Variants in DEGS2 observed in about 807,000 individuals in gnomAD.
The protein encoded by DEGS2 is sphingolipid delta(4)-desaturase/C4-monooxygenase DES2.
DEGS2 carries 19 observed loss-of-function variants against 23.8 expected under a neutral mutation model. The ratio of observed to expected loss-of-function variants is 0.80; its 90% CI spans 0.56 to 1.17. The LOEUF (loss-of-function observed/expected upper bound fraction) is 1.17, where lower values mean the gene tolerates loss of function less well. Ranked by LOEUF, DEGS2 falls within the 50% of genes most tolerant of loss-of-function variation. The pLI, the probability that DEGS2 is intolerant of heterozygous loss-of-function variation, is 0.00. For synonymous variants in DEGS2, 218 were observed against 213.7 expected (o/e 1.02, Z -0.18); for missense variants, 390 against 459.5 (o/e 0.85, Z 1.38).
In DEGS2 at chr14:100,159,505, C is replaced by T. The variant is rs1296169128; in HGVS notation, c.82+1G>A. 7.4e-6 allele frequency: 11 copies of T among 1,494,386 alleles called. No individual in the cohort carries two copies. The highest frequency in any genetic ancestry group is 1.5e-5 in the African/African-American group (1 of 68,926). 92.6% of individuals were successfully genotyped at this position (1,494,386 alleles called of 1,614,324 possible). On this transcript the variant is annotated splice_donor_variant, in intron 1 of 2. Coordinates refer to ENST00000305631, the MANE Select transcript of DEGS2 (RefSeq NM_206918.3). LOFTEE classifies it high-confidence loss of function. ...CGGGGTGGGCCCCGCGCGGCGCTCA[C>T]CCAGTATCTCCTTGCGCCGCTGCGT...
chr14:100,154,191 C>A (rs999350317), intron 1 of DEGS2, among the ~76,000 whole-genome samples: 2 of 152,074 alleles, frequency 1.3e-5, no homozygotes, highest in Non-Finnish European at 2.9e-5. Flanking sequence ...ATGGTGAAAC[C>A]CCGTCTCTAC....
intron 1 of DEGS2, among the ~76,000 whole-genome samples, chr14:100,154,220 C>G (rs1260850012): frequency 2.0e-5 from 3 of 152,206 alleles, no homozygotes; most frequent in Non-Finnish European, 2.9e-5. Context: ...CAAAAATCAG[C>G]TGGACAAGGT....
At chr14:100,164,104 C>G (rs1317006605), upstream of DEGS2, among the ~76,000 whole-genome samples, 2 of 151,894 alleles carry the variant, frequency 1.3e-5, no homozygotes, top group African/African-American at 4.8e-5. Context: ...TGGTCCCAGG[C>G]GCGATGTAGG....
chr14:100,148,865 G>A, intron 2 of DEGS2, 103 bp downstream of exon 2: 2 of 1,349,334 alleles, frequency 1.5e-6, no homozygotes, highest in Non-Finnish European at 2.0e-6. Context: ...GCACAAAAAG[G>A]GAGAGGCTGC....
Position 100,144,754 on chromosome 14 carries a change from A to C in DEGS2, c.*2007T>G, listed in dbSNP as rs989008126. On this transcript the variant is annotated 3_prime_UTR_variant, in exon 3 of 3. Coordinates refer to ENST00000305631, the MANE Select transcript of DEGS2 (RefSeq NM_206918.3). ...CAGGGCCACCAACAGGCAGGCCTTG[A>C]GATCCTGTGACCACTCATGCCCCCA... 6.6e-6 allele frequency: 1 copy of C among 152,422 alleles called. No individual in the cohort carries two copies. The highest frequency in any genetic ancestry group is 3.1e-3 in the Middle Eastern group (1 of 320). 9.4% of individuals were successfully genotyped at this position (152,422 alleles called of 1,614,324 possible). A position where few individuals can be genotyped will look rare whatever the true frequency, so the allele number is the denominator to read the frequency against.
rs1369947792 is a variant in DEGS2, at chr14:100,149,653, A to G, written c.140T>C (p.Val47Ala). The G allele has an allele frequency of 6.2e-7, 1 of 1,611,768 alleles. No homozygotes were observed. The highest frequency in any genetic ancestry group is 8.5e-7 in the Non-Finnish European group (1 of 1,179,530). ...CATCTGCACCAGCACCAGCACCAGC[A>G]CCGCCCACTTGAGGCGCGGGTCTGG... Reference protein sequence around the residue: ...MRPDPRLKWAVLVLVLVQMLA... With the variant: ...MRPDPRLKWAALVLVLVQMLA... The change falls in exon 2 of 3, where the codon GTG (valine) becomes GCG (alanine). Residue 47 changes from valine (V) to alanine (A), a missense_variant. Val to Ala is a moderately conservative substitution (Grantham distance 64). Coordinates refer to ENST00000305631, the MANE Select transcript of DEGS2 (RefSeq NM_206918.3).
In DEGS2 at chr14:100,149,226, G is replaced by C. The variant is rs776358841; in HGVS notation, c.567C>G (p.Asn189Lys). 2 of 1,612,716 alleles carry C rather than the reference G, an allele frequency of 1.2e-6. No individual in the cohort carries two copies. Among genetic ancestry groups the C allele is most frequent in the Admixed American group, 3.3e-5 (2 of 60,000 alleles). The change falls in exon 2 of 3, where the codon AAC (asparagine) becomes AAG (lysine). Residue 189 changes from asparagine (N) to lysine (K), a missense_variant. By Grantham distance (94) the Asn-to-Lys change is moderately conservative. Transcript: ENST00000305631. ...PKAVTRMEVL[N>K]TLVQLAADLA... ...GGTCGGCCGCCAGCTGCACCAGCGT[G>C]TTGAGCACCTCCATGCGGGTCACGG...
At chr14:100,148,550 C>A (rs879639930) in intron 2 of DEGS2, among the ~76,000 whole-genome samples, 3 of 152,214 alleles carry the variant, frequency 2.0e-5, no homozygotes, top group Non-Finnish European at 4.4e-5. Flanking sequence ...CCTTGGGCTG[C>A]GAAGGGCAAG....
At chr14:100,166,251 G>T in the DEGS2 span, among the ~76,000 whole-genome samples, 1 of 115,284 alleles carries the variant, frequency 8.7e-6, no homozygotes, top group African/African-American at 3.2e-5. Flanking sequence ...GGGGGAGCCT[G>T]TCCGGGGGAG....
chr14:100,150,061 G>A (rs1413973901), intron 1 of DEGS2, among the ~76,000 whole-genome samples: 6 of 152,234 alleles, frequency 3.9e-5, no homozygotes, highest in Non-Finnish European at 8.8e-5. Flanking sequence ...TGCCGTCTGT[G>A]TACTCAAGCA....
intron 1 of DEGS2, chr14:100,155,791 G>T (rs755342190): frequency 1.2e-4 from 18 of 151,864 alleles, no homozygotes; most frequent in Non-Finnish European, 1.6e-4. Context: ...TTCTTTATTT[G>T]AATTTTTGTA....
At chr14:100,146,959 C>T (rs770285109) in intron 2 of DEGS2, 52 bp from the exon 3 acceptor site, 9 of 1,580,284 alleles carry the variant, frequency 5.7e-6, no homozygotes, top group Non-Finnish European at 6.9e-6. Flanking sequence ...GGGCCGCACC[C>T]GCGAGCACAC....
At chr14:100,164,246 G>A (rs910623938), upstream of DEGS2, among the ~76,000 whole-genome samples, 7 of 152,014 alleles carry the variant, frequency 4.6e-5, no homozygotes, top group South Asian at 4.1e-4. Flanking sequence ...CTTGTCTATC[G>A]TAACAGGGCC....
rs1473494149 is a variant in DEGS2, at chr14:100,149,525, C to T, written c.268G>A (p.Asp90Asn). 6 of 1,603,166 alleles carry T rather than the reference C, an allele frequency of 3.7e-6. No homozygotes were observed. Among genetic ancestry groups the T allele is most frequent in the African/African-American group, 2.7e-5 (2 of 74,834 alleles). ...VNHSLTLAIH[D>N]ISHNAAFGTG... ...CCGAAGGCCGCGTTGTGCGAGATGTCGTGGATGGCCAGCGTCAGCGAGTGG... is the reference window on the plus strand; with the variant it reads ...CCGAAGGCCGCGTTGTGCGAGATGTTGTGGATGGCCAGCGTCAGCGAGTGG... The change falls in exon 2 of 3, where the codon GAC (aspartate) becomes AAC (asparagine). Residue 90 changes from aspartate to asparagine, a missense_variant. Physicochemically the swap from Asp to Asn is conservative, Grantham distance 23. Transcript: ENST00000305631.
rs150498865 is a variant in DEGS2 at position 100,149,262 on chromosome 14, G to A, written c.531C>T (p.Val177=). Residue 177 remains valine (V), a synonymous_variant, in exon 2 of 3, where the codon GTC becomes GTT. Coordinates refer to ENST00000305631, the MANE Select transcript of DEGS2 (RefSeq NM_206918.3). ...PFFYSLRPLC[V]HPKAVTRMEV... ...CCATGCGGGTCACGGCCTTGGGGTGGACGCAGAGCGGCCGTAGTGAGTAGA... is the reference window on the plus strand; with the variant it reads ...CCATGCGGGTCACGGCCTTGGGGTGAACGCAGAGCGGCCGTAGTGAGTAGA... The A allele has an allele frequency of 1.2e-6, 2 of 1,612,738 alleles. No homozygotes were observed. Among genetic ancestry groups the A allele is most frequent in the Non-Finnish European group, 1.7e-6 (2 of 1,179,908 alleles).
chr14:100,162,202 AGCTGGG>A (rs1345343464), upstream of DEGS2, among the ~76,000 whole-genome samples: 1 of 151,422 alleles, frequency 6.6e-6, no homozygotes, highest in Non-Finnish European at 1.5e-5. Context: ...AAAAAAAATT[AGCTGGG>A]CATGGTGGCG....
chr14:100,151,428 G>T (rs1011293465), intron 1 of DEGS2, among the ~76,000 whole-genome samples: 97 of 152,332 alleles, frequency 6.4e-4, no homozygotes, highest in African/African-American at 2.0e-3. Flanking sequence ...AGCACAGGGC[G>T]CGACTCAAGG....
chr14:100,149,184 A>C lies in DEGS2; in HGVS notation c.609T>G (p.Leu203=). 1 of 1,612,716 alleles carries C rather than the reference A, an allele frequency of 6.2e-7. No homozygotes were observed. Residue 203 remains leucine (L), a synonymous_variant, in exon 2 of 3, where the codon CTT becomes CTG. Transcript: ENST00000305631. ...GGTAGACCACGGGCTTGAGCCCCCA[A>C]AGGGCAAAGATGGCCAGGTCGGCCG... ...QLAADLAIFA[L]WGLKPVVYLL...
At position 100,149,288 on chromosome 14, in the gene DEGS2, A is replaced by G; in HGVS notation, c.505T>C (p.Phe169Leu). The change falls in exon 2 of 3, where the codon TTC (phenylalanine) becomes CTC (leucine). Residue 169 changes from phenylalanine (F) to leucine (L), a missense_variant. Transcript: ENST00000305631. ...ACGCAGAGCGGCCGTAGTGAGTAGAAGAAGGGCTGCAGCACCAGCCAGAGC... is the reference window on the plus strand; with the variant it reads ...ACGCAGAGCGGCCGTAGTGAGTAGAGGAAGGGCTGCAGCACCAGCCAGAGC... Reference protein sequence around the residue: ...KLLWLVLQPFFYSLRPLCVHP... With the variant: ...KLLWLVLQPFLYSLRPLCVHP... 6.2e-7 allele frequency: 1 copy of G among 1,612,804 alleles called. No individual in the cohort carries two copies.
Sources: gnomAD v4.1 joint callset for allele counts (sites outside exome capture counted in the v4.1 genomes callset) on GRCh38, gnomAD v4.1.1 for gene constraint, MANE v1.5 for transcripts, NCBI Gene and HGNC (gene_info 2026-07-23, HGNC 2026-07-21) for gene names.